The following ITGAV variants were observed in gnomAD, a reference collection of about 807,000 sequenced individuals.
ITGAV encodes integrin alpha-V.
ITGAV carries 76 observed loss-of-function variants against 143.8 expected under a neutral mutation model. That is an observed-to-expected ratio of 0.53 (90% CI 0.44 to 0.64). The LOEUF (loss-of-function observed/expected upper bound fraction) is 0.64. Among genes scored for constraint, ITGAV ranks in the 30% least tolerant of loss-of-function variants. The pLI is 0.00. For synonymous variants in ITGAV, 453 were observed against 446.7 expected, an observed-to-expected ratio of 1.01 and a Z score of -0.18; for missense variants, 1,193 against 1,274.7, an observed-to-expected ratio of 0.94 and a Z score of 0.98.
At chr2:186,592,600 A>C (rs190657726) in intron 1 of ITGAV, among the ~76,000 whole-genome samples, 1 of 151,794 alleles carries the variant, frequency 6.6e-6, no homozygotes. Context: ...TGAAAAATGC[A>C]GTGATGTTGA....
At position 186,656,277 on chromosome 2, in the gene ITGAV, T is replaced by A; in HGVS notation, c.1595T>A (p.Leu532His). 6.3e-7 allele frequency: 1 copy of A among 1,585,098 alleles called. No homozygotes were observed. Among genetic ancestry groups the A allele is most frequent in the Non-Finnish European group, 8.5e-7 (1 of 1,169,882 alleles). The change falls in exon 17 of 30, where the codon CTC becomes CAC. Residue 532 changes from leucine to histidine, a missense_variant. Transcript: ENST00000261023. Reference protein sequence around the residue: ...NFQVELLLDKLKQKGAIRRAL... With the variant: ...NFQVELLLDKHKQKGAIRRAL... The stretch of plus-strand genomic sequence containing the variant: ...CAGGTGGAACTTCTTTTGGATAAAC[T>A]CAAGCAAAAGGGAGCAATTCGACGA...
At chr2:186,665,025 A>G in intron 20 of ITGAV, 101 bp from the exon 21 acceptor site, 2 of 767,736 alleles carry the variant, frequency 2.6e-6, no homozygotes, top group African/African-American at 1.8e-5. Flanking sequence ...GGTTTGCTCA[A>G]CTAGATTTAT....
chr2:186,605,362 TAA>T (rs1304280442), intron 2 of ITGAV, among the ~76,000 whole-genome samples: 1 of 152,204 alleles, frequency 6.6e-6, no homozygotes, highest in Non-Finnish European at 1.5e-5. Context: ...ATTCTTTCCC[TAA>T]ATATCCACTG....
chr2:186,614,945 TACTAC>T lies in ITGAV; in HGVS notation c.317-7392_317-7388del, dbSNP rs1559043510. On this transcript the variant is annotated intron_variant, in intron 2 of 29. Transcript: ENST00000261023. ...TATATTTATAGAGTTTTGTAACTAT[TACTAC>T]AGTCTAATTCCAGAGCATCTCCATT... Among the ~76,000 whole-genome samples, 3 of 152,216 alleles carry T rather than the reference TACTAC, an allele frequency of 2.0e-5. No individual in the cohort carries two copies. The East Asian group carries it at 5.8e-4, about 29-fold the overall frequency.
intron 18 of ITGAV, among the ~76,000 whole-genome samples, chr2:186,663,175 T>C (rs1292201854): frequency 1.3e-5 from 2 of 152,166 alleles, no homozygotes; most frequent in African/African-American, 2.4e-5. Context: ...TGGTTAACTA[T>C]AATGCTTCAA....
intron 29 of ITGAV, 114 bp from the exon 30 acceptor site, chr2:186,677,083 T>G: frequency 1.3e-5 from 15 of 1,198,584 alleles, no homozygotes; most frequent in African/African-American, 3.1e-5. Context: ...TGAGGGAAGA[T>G]AAATTTTATG....
chr2:186,617,960 G>A (rs1375290224), intron 2 of ITGAV, among the ~76,000 whole-genome samples: 1 of 152,152 alleles, frequency 6.6e-6, no homozygotes, highest in African/African-American at 2.4e-5. Context: ...ATCTGAGGAG[G>A]TCCAACATCA....
intron 26 of ITGAV, among the ~76,000 whole-genome samples, chr2:186,670,501 A>G (rs1689036178): frequency 1.3e-5 from 2 of 152,114 alleles, no homozygotes; most frequent in Non-Finnish European, 2.9e-5. Flanking sequence ...AGGTTTCACC[A>G]TGTTGCCCAG....
In ITGAV at chr2:186,675,499, A is replaced by G. The variant is rs182329230; in HGVS notation, c.2707-105A>G. The G allele has an allele frequency of 4.1e-6, 3 of 729,954 alleles. No individual in the cohort carries two copies. The African/African-American group carries it at 5.3e-5, about 13-fold the overall frequency. 45.2% of individuals were successfully genotyped at this position (729,954 alleles called of 1,614,324 possible). A position where few individuals can be genotyped will look rare whatever the true frequency, so the allele number is the denominator to read the frequency against. On this transcript the variant is annotated intron_variant, in intron 26 of 29. Coordinates refer to ENST00000261023, the MANE Select transcript of ITGAV (RefSeq NM_002210.5). ...ATTTTCAAGACAGAAGAATCTGGAT[A>G]ATCTCTTTGGCCATCACACAAAAAG...
chr2:186,609,945 T>C (rs192449786), intron 2 of ITGAV, among the ~76,000 whole-genome samples: 1 of 151,996 alleles, frequency 6.6e-6, no homozygotes. Flanking sequence ...GCCAAATAAA[T>C]TTACCATTAA....
At chr2:186,646,554 A>C (rs959403836) in intron 12 of ITGAV, 132 bp from the exon 13 acceptor site, 78 of 586,988 alleles carry the variant, frequency 1.3e-4, no homozygotes, top group Non-Finnish European at 2.1e-4. Flanking sequence ...AAATAATTAC[A>C]AGTACTGAAA....
intron 6 of ITGAV, 60 bp downstream of exon 6, chr2:186,633,434 A>C: frequency 1.1e-6 from 1 of 909,414 alleles, no homozygotes; most frequent in Non-Finnish European, 1.8e-6. Flanking sequence ...CACCTGGCTA[A>C]TTGTATGCCT....
At chr2:186,657,886 G>A (rs1688634168) in intron 17 of ITGAV, among the ~76,000 whole-genome samples, 1 of 151,960 alleles carries the variant, frequency 6.6e-6, no homozygotes, top group Non-Finnish European at 1.5e-5. Context: ...AGCCCAGATG[G>A]TTTTATAGGC....
intron 9 of ITGAV, 35 bp downstream of exon 9, chr2:186,638,355 CTAAGT>C: frequency 6.2e-7 from 1 of 1,609,486 alleles, no homozygotes; most frequent in Non-Finnish European, 8.5e-7. Flanking sequence ...TAAAAAATCT[CTAAGT>C]TATCTTCTAT....
At chr2:186,603,621 G>C (rs1272141097) in intron 2 of ITGAV, among the ~76,000 whole-genome samples, 1 of 152,130 alleles carries the variant, frequency 6.6e-6, no homozygotes. Flanking sequence ...GGCATTTATT[G>C]TCTAACAAAA....
chr2:186,646,640 C>G (rs1471392471), intron 12 of ITGAV, 46 bp from the exon 13 acceptor site: 1 of 1,433,738 alleles, frequency 7.0e-7, no homozygotes, highest in East Asian at 2.4e-5. Context: ...TTTCCTCCTC[C>G]TTACTTCTGT....
chr2:186,650,004 C>A, intron 14 of ITGAV, 119 bp downstream of exon 14: 2 of 641,104 alleles, frequency 3.1e-6, no homozygotes, highest in Non-Finnish European at 5.1e-6. Context: ...AAAATTTGCT[C>A]TTTCTATTCA....
chr2:186,669,936 A>G (rs1689017899), intron 26 of ITGAV, 122 bp downstream of exon 26: 1 of 698,880 alleles, frequency 1.4e-6, no homozygotes. Context: ...TTATTTTTAT[A>G]CCATGCATTC....
chr2:186,616,601 A>G (rs1373484847), intron 2 of ITGAV, among the ~76,000 whole-genome samples: 1 of 152,152 alleles, frequency 6.6e-6, no homozygotes, highest in Non-Finnish European at 1.5e-5. Flanking sequence ...TCAAAATAGC[A>G]TTGGGTTACA....
Sources: allele counts gnomAD v4.1 joint callset (sites outside exome capture counted in the v4.1 genomes callset), GRCh38; gene constraint gnomAD v4.1.1; transcripts MANE v1.5; gene names NCBI Gene and HGNC (gene_info 2026-07-23, HGNC 2026-07-21).